Variants in CAMTA1 observed in about 807,000 individuals in gnomAD.
CAMTA1 encodes calmodulin binding transcription activator 1.
A neutral mutation model predicts 170.9 loss-of-function variants in CAMTA1; 27 were observed. That is an observed-to-expected ratio of 0.16 (90% CI 0.12 to 0.22). The LOEUF is 0.22. Ranked by LOEUF, CAMTA1 falls within the 10% of genes least tolerant of loss-of-function variation. The probability of loss-of-function intolerance (pLI) is 1.00; values close to 1 mark genes in which losing one functional copy is unlikely to be tolerated. For synonymous variants in CAMTA1, 833 were observed against 891.5 expected (o/e 0.93, Z 1.17); for missense variants, 1,619 against 2,217.2 (o/e 0.73, Z 5.42).
chr1:6,855,653 G>C lies in CAMTA1; in HGVS notation c.234+30443G>C, dbSNP rs1570977003. The stretch of plus-strand genomic sequence containing the variant: ...ATTACAGTGTGGACATGAGATTTGG[G>C]TGTGGACACAGATTCAAACTTCATC... On this transcript the variant is annotated intron_variant, in intron 3 of 22. Coordinates refer to ENST00000303635, the MANE Select transcript of CAMTA1 (RefSeq NM_015215.4). Among the ~76,000 whole-genome samples the C allele has an allele frequency of 2.0e-5, 3 of 152,196 alleles. No individual in the cohort carries two copies. In the South Asian group the frequency reaches 6.2e-4, roughly 32 times the overall value.
chr1:7,613,399 G>A lies in CAMTA1; in HGVS notation c.511-27001G>A, dbSNP rs1185532134. Among the ~76,000 whole-genome samples, 4 of 152,136 alleles carry A rather than the reference G, an allele frequency of 2.6e-5. No individual in the cohort carries two copies. In the East Asian group the frequency reaches 5.8e-4, roughly 22 times the overall value. On this transcript the variant is annotated intron_variant, in intron 6 of 22. Transcript: ENST00000303635. ...GCATGGACTGGTGCAGAGCACACAG[G>A]AGAGGCCCAGCCTGGCCTGGGTGGT...
chr1:7,736,445 C>T lies in CAMTA1; in HGVS notation c.3168C>T (p.His1056=), dbSNP rs1395159984. 6.2e-7 allele frequency: 1 copy of T among 1,614,006 alleles called. No homozygotes were observed. The highest frequency in any genetic ancestry group is 1.3e-5 in the African/African-American group (1 of 74,904). ...GAGCCTGCTGGGCGAAGTCCAAGCA[C>T]TTGATCCACTCAAAGACTTTCCGCG... is the stretch of plus-strand genomic sequence containing the variant. ...MSRACWAKSK[H]LIHSKTFRGM... The change falls in exon 13 of 23, where the codon CAC becomes CAT. Residue 1056 remains histidine, a synonymous_variant. Transcript: ENST00000303635. The surrounding 1 kb of genome is among the most constrained non-coding windows in gnomAD (Gnocchi z 4.5).
At position 7,680,599 on chromosome 1, in the gene CAMTA1, C is replaced by T. The variant is rs1324781847; in HGVS notation, c.2914+2866C>T. 3.3e-5 allele frequency among the ~76,000 whole-genome samples: 5 copies of T among 152,052 alleles called. No homozygotes were observed. The highest frequency in any genetic ancestry group is 3.3e-4 in the Admixed American group (5 of 15,290). On this transcript the variant is annotated intron_variant, in intron 11 of 22. Coordinates refer to ENST00000303635, the MANE Select transcript of CAMTA1 (RefSeq NM_015215.4). This position sits in a 1 kb window ranked among gnomAD's most constrained non-coding sequence, Gnocchi z 4.4. ...GACTAGGAAGGCCTGAGCCCGGCCA[C>T]CCGCCTCCGAGTGCGCCGCACCGTG...
chr1:7,376,244 A>G (rs2086833745), intron 5 of CAMTA1, among the ~76,000 whole-genome samples: 1 of 152,240 alleles, frequency 6.6e-6, no homozygotes. Flanking sequence ...TGTCTCTGCC[A>G]ACTCGAAGGG....
intron 12 of CAMTA1, among the ~76,000 whole-genome samples, chr1:7,733,855 C>T (rs777880665): frequency 1.3e-5 from 2 of 152,148 alleles, no homozygotes; most frequent in East Asian, 3.9e-4. Flanking sequence ...AGCCTCCTTC[C>T]TCCCCGTGTT....
Position 7,007,669 on chromosome 1 carries a change from C to T in CAMTA1, c.235-83635C>T, listed in dbSNP as rs996310844. Among the ~76,000 whole-genome samples the T allele has an allele frequency of 6.6e-6, 1 of 152,160 alleles. No homozygotes were observed. Among genetic ancestry groups the T allele is most frequent in the Non-Finnish European group, 1.5e-5 (1 of 68,032 alleles). The stretch of plus-strand genomic sequence containing the variant: ...GGGTGGCCGGGCCCTGTCAGTGCTG[C>T]GGAGGTGAGCTCCTTCTGAAAGGAC... On this transcript the variant is annotated intron_variant, in intron 3 of 22. Transcript: ENST00000303635. The surrounding 1 kb of genome is among the most constrained non-coding windows in gnomAD (Gnocchi z 4.5).
At chr1:7,198,512 C>T (rs146718891) in intron 4 of CAMTA1, among the ~76,000 whole-genome samples, 3 of 152,196 alleles carry the variant, frequency 2.0e-5, no homozygotes, top group African/African-American at 4.8e-5. Flanking sequence ...TTCCATGTCT[C>T]AGCAGCCCTG....
intron 6 of CAMTA1, among the ~76,000 whole-genome samples, chr1:7,499,877 T>A (rs1433834099): frequency 6.9e-6 from 1 of 145,184 alleles, no homozygotes; most frequent in Non-Finnish European, 1.5e-5. Context: ...GAGGATTGTG[T>A]GAGCCTGGTG....
In CAMTA1 at chr1:7,682,573, T is replaced by C. The variant is rs1418746506; in HGVS notation, c.2914+4840T>C. Among the ~76,000 whole-genome samples, 2 of 152,232 alleles carry C rather than the reference T, an allele frequency of 1.3e-5. No homozygotes were observed. Among genetic ancestry groups the C allele is most frequent in the East Asian group, 3.8e-4 (2 of 5,196 alleles). On this transcript the variant is annotated intron_variant, in intron 11 of 22. Transcript: ENST00000303635. This position sits in a 1 kb window ranked among gnomAD's most constrained non-coding sequence, Gnocchi z 5.0. ...GCATGTGGCTGTGGTCCTGCTGGCC[T>C]TTCCTTGTGGGCTGATTCTAGTACC...
At chr1:7,616,383 G>A (rs1463108290) in intron 6 of CAMTA1, among the ~76,000 whole-genome samples, 3 of 152,254 alleles carry the variant, frequency 2.0e-5, no homozygotes, top group Non-Finnish European at 4.4e-5. Flanking sequence ...TTGGGTAGTC[G>A]TGGAGGTTAA....
intron 11 of CAMTA1, among the ~76,000 whole-genome samples, chr1:7,714,028 T>G (rs1487505550): frequency 6.6e-6 from 1 of 152,088 alleles, no homozygotes; most frequent in African/African-American, 2.4e-5. Context: ...TTGAACAGAT[T>G]TAAAAATTGG....
intron 4 of CAMTA1, among the ~76,000 whole-genome samples, chr1:7,157,175 C>T (rs1646934811): frequency 6.6e-6 from 1 of 151,656 alleles, no homozygotes; most frequent in African/African-American, 2.4e-5. Context: ...AACCCCATCT[C>T]TACTAAAAAT....
chr1:6,831,228 T>A (rs1039033139), intron 3 of CAMTA1, among the ~76,000 whole-genome samples: 1 of 152,218 alleles, frequency 6.6e-6, no homozygotes, highest in African/African-American at 2.4e-5. Flanking sequence ...TAAGCCTGAC[T>A]TTTATATTCA....
chr1:7,269,153 G>T (rs1200289576), intron 5 of CAMTA1, among the ~76,000 whole-genome samples: 1 of 152,196 alleles, frequency 6.6e-6, no homozygotes, highest in East Asian at 1.9e-4. Flanking sequence ...CTCTCACAAG[G>T]CTGAAATCAA....
intron 5 of CAMTA1, among the ~76,000 whole-genome samples, chr1:7,402,503 T>A (rs1168032120): frequency 6.6e-6 from 1 of 152,188 alleles, no homozygotes; most frequent in East Asian, 1.9e-4. Flanking sequence ...CCCAAAAATA[T>A]GAACGTGAGG....
intron 5 of CAMTA1, among the ~76,000 whole-genome samples, chr1:7,311,344 T>G (rs1397494249): frequency 2.6e-5 from 4 of 152,214 alleles, no homozygotes; most frequent in African/African-American, 9.6e-5. Flanking sequence ...TAATTTTTAT[T>G]CAAGCTCACT....
intron 4 of CAMTA1, among the ~76,000 whole-genome samples, chr1:7,183,033 G>A (rs1477526271): frequency 6.6e-6 from 1 of 152,162 alleles, no homozygotes; most frequent in East Asian, 1.9e-4. Flanking sequence ...TGCTATAAAG[G>A]AATACCTAAG....
At chr1:7,018,800 C>T (rs1163935246) in intron 3 of CAMTA1, among the ~76,000 whole-genome samples, 1 of 152,188 alleles carries the variant, frequency 6.6e-6, no homozygotes, top group Admixed American at 6.5e-5. Flanking sequence ...TAATGCTCAT[C>T]CTTTCCCTTT....
intron 6 of CAMTA1, among the ~76,000 whole-genome samples, chr1:7,541,531 G>A (rs575007148): frequency 2.6e-5 from 4 of 152,330 alleles, no homozygotes; most frequent in South Asian, 2.1e-4. Context: ...CAAGGTGCAC[G>A]GAATATAAAT....
Sources: allele counts gnomAD v4.1 joint callset (sites outside exome capture counted in the v4.1 genomes callset), GRCh38; gene constraint gnomAD v4.1.1; non-coding constraint Gnocchi (gnomAD v3.1); transcripts MANE v1.5; gene names NCBI Gene and HGNC (gene_info 2026-07-23, HGNC 2026-07-21).